The following APOBEC3C variants were observed in gnomAD, a reference collection of about 807,000 sequenced individuals.
APOBEC3C encodes apolipoprotein B mRNA editing enzyme catalytic subunit 3C.
A neutral mutation model predicts 20.6 loss-of-function variants in APOBEC3C; 14 were observed. The ratio of observed to expected loss-of-function variants is 0.68; its 90% CI spans 0.45 to 1.06. The LOEUF is 1.06. Ranked by LOEUF, APOBEC3C falls within the 50% of genes least tolerant of loss-of-function variation. APOBEC3C has a pLI of 0.00. For synonymous variants in APOBEC3C, 98 were observed against 88.8 expected (o/e 1.10, Z -0.58); for missense variants, 244 against 241.9 (o/e 1.01, Z -0.06).
At chr22:39,016,381 C>CTTTTTTTTTT (rs575173801) in intron 2 of APOBEC3C, among the ~76,000 whole-genome samples, 3 of 122,892 alleles carry the variant, frequency 2.4e-5, no homozygotes, top group African/African-American at 9.5e-5. Context: ...TTCTTTTTTT[C>CTTTTTTTTTT]TTTTTTTTTT....
At chr22:39,018,142 T>C in intron 3 of APOBEC3C, 97 bp downstream of exon 3, 2 of 1,576,372 alleles carry the variant, frequency 1.3e-6, no homozygotes, top group Admixed American at 3.5e-5. Context: ...GTCCCCTGGG[T>C]GTCTGTGGGG....
intron 1 of APOBEC3C, 113 bp downstream of exon 1, chr22:39,014,492 C>T (rs1375223082): frequency 6.9e-6 from 9 of 1,298,872 alleles, no homozygotes; most frequent in East Asian, 2.4e-5. Flanking sequence ...GGGCTCCCTC[C>T]CCCCTGGTTC....
intron 1 of APOBEC3C, 37 bp downstream of exon 1, chr22:39,014,416 C>A (rs368817718): frequency 6.2e-7 from 1 of 1,613,512 alleles, no homozygotes; most frequent in East Asian, 2.2e-5. Flanking sequence ...GCCCCTCCTG[C>A]CACTTCCTGC....
At chr22:39,018,188 T>G in intron 3 of APOBEC3C, 81 bp from the exon 4 acceptor site, 1 of 1,572,524 alleles carries the variant, frequency 6.4e-7, no homozygotes, top group South Asian at 1.2e-5. Context: ...GCAGCCTGGA[T>G]ACCTGGGCTG....
At chr22:39,015,188 A>G (rs561347513) in intron 1 of APOBEC3C, among the ~76,000 whole-genome samples, 2 of 151,804 alleles carry the variant, frequency 1.3e-5, no homozygotes, top group East Asian at 3.9e-4. Context: ...AATCCCAGCT[A>G]CTTGGGAGGC....
At position 39,019,980 on chromosome 22, in the gene APOBEC3C, G is replaced by C. The variant is rs934042849; in HGVS notation, c.*1593G>C. On this transcript the variant is annotated 3_prime_UTR_variant, in exon 4 of 4. Transcript: ENST00000361441. ...CCTGGTTAATTTTGTAGTTTTAGTA[G>C]AGATGGGGTCTCACCATGTTGGCCA... The C allele has an allele frequency of 6.6e-6, 1 of 151,902 alleles. No individual in the cohort carries two copies. Among genetic ancestry groups the C allele is most frequent in the Non-Finnish European group, 1.5e-5 (1 of 67,982 alleles). The allele number at this position is 151,902 out of a possible 1,614,324, so 9.4% of individuals were successfully genotyped here.
chr22:39,015,578 C>T lies in APOBEC3C; in HGVS notation c.18-17C>T. On this transcript the variant is annotated splice_polypyrimidine_tract_variant and intron_variant, in intron 1 of 3. Coordinates refer to ENST00000361441, the MANE Select transcript of APOBEC3C (RefSeq NM_014508.3). The stretch of plus-strand genomic sequence containing the variant: ...TGCGGGGGTCTCTGCATTGGGGTTT[C>T]TCTCTTGTGCCTTCAGAAACCCGAT... The T allele has an allele frequency of 6.2e-7, 1 of 1,612,396 alleles. No individual in the cohort carries two copies. Among genetic ancestry groups the T allele is most frequent in the East Asian group, 2.2e-5 (1 of 44,856 alleles).
In APOBEC3C at chr22:39,014,496, C is replaced by T. The variant is rs942517287; in HGVS notation, c.17+117C>T. 1.9e-4 allele frequency: 249 copies of T among 1,278,836 alleles called. 1 individual carries two copies. Among genetic ancestry groups the T allele is most frequent in the Middle Eastern group, 2.6e-4 (1 of 3,830 alleles). The allele number at this position is 1,278,836 out of a possible 1,614,324, so 79.2% of individuals were successfully genotyped here. On this transcript the variant is annotated intron_variant, in intron 1 of 3. Coordinates refer to ENST00000361441, the MANE Select transcript of APOBEC3C (RefSeq NM_014508.3). ...GCCCCACCTCTGGGCTCCCTCCCCC[C>T]TGGTTCCCCCGCTGCCCCCACTCCC...
At chr22:39,017,647 T>G in intron 2 of APOBEC3C, 119 bp from the exon 3 acceptor site, 1 of 1,306,250 alleles carries the variant, frequency 7.7e-7, no homozygotes, top group Non-Finnish European at 1.1e-6. Context: ...GTCTCAAAAA[T>G]GAGTAAATAA....
intron 1 of APOBEC3C, 92 bp downstream of exon 1, chr22:39,014,471 G>GCCCCACCTCTGGGCTCCCTC: frequency 7.1e-7 from 1 of 1,414,952 alleles, no homozygotes; most frequent in Non-Finnish European, 9.6e-7. Context: ...CCCTGCCCCA[G>GCCCCACCTCTGGGCTCCCTC]CCCCACCTCT....
At chr22:39,016,584 G>T (rs1259927966) in intron 2 of APOBEC3C, among the ~76,000 whole-genome samples, 1 of 152,018 alleles carries the variant, frequency 6.6e-6, no homozygotes, top group Admixed American at 6.6e-5. Context: ...GATCGTGGAG[G>T]GGGTTTGCTT....
At chr22:39,015,039 T>G (rs1924731460) in intron 1 of APOBEC3C, among the ~76,000 whole-genome samples, 1 of 152,132 alleles carries the variant, frequency 6.6e-6, no homozygotes, top group African/African-American at 2.4e-5. Flanking sequence ...GGCTTATGCC[T>G]GTAATCCTAG....
rs1038017430 is a variant in APOBEC3C at position 39,016,309 on chromosome 22, C to G, written c.174+558C>G. On this transcript the variant is annotated intron_variant, in intron 2 of 3. Transcript: ENST00000361441. ...CCGCCTCCCGGGTTCACGCCATTCT[C>G]CTGCCTCAGCCTCCCAAGTAGCTGG... 3.3e-5 allele frequency among the ~76,000 whole-genome samples: 5 copies of G among 151,736 alleles called. No homozygotes were observed. In the East Asian group the frequency reaches 9.7e-4, roughly 29 times the overall value.
intron 2 of APOBEC3C, among the ~76,000 whole-genome samples, chr22:39,016,878 G>A (rs184908597): frequency 6.6e-5 from 10 of 152,314 alleles, no homozygotes; most frequent in African/African-American, 2.4e-4. Flanking sequence ...ATGCCTGGGA[G>A]AAAAGATGGC....
chr22:39,014,302 GA>G lies in APOBEC3C; in HGVS notation c.-60del, dbSNP rs1415780431. 1 of 1,609,654 alleles carries G rather than the reference GA, an allele frequency of 6.2e-7. No individual in the cohort carries two copies. Among genetic ancestry groups the G allele is most frequent in the East Asian group, 2.2e-5 (1 of 44,876 alleles). On this transcript the variant is annotated 5_prime_UTR_variant, in exon 1 of 4. Transcript: ENST00000361441. Reference sequence around the variant, plus strand: ...ACTGCAAGGACGCTGTAAGCAGGAAGAGAAGCCACAGCGCTTCAGAAAAGAG... The same window carrying G: ...ACTGCAAGGACGCTGTAAGCAGGAAGGAAGCCACAGCGCTTCAGAAAAGAG...
chr22:39,015,828 G>A, intron 2 of APOBEC3C, 77 bp downstream of exon 2: 1 of 1,454,102 alleles, frequency 6.9e-7, no homozygotes, highest in Non-Finnish European at 9.4e-7. Context: ...AATAAGTGAT[G>A]TGCCCGGCGT....
chr22:39,016,820 C>T (rs866739234), intron 2 of APOBEC3C, among the ~76,000 whole-genome samples: 2 of 152,166 alleles, frequency 1.3e-5, no homozygotes, highest in African/African-American at 2.4e-5. Context: ...ACAAAGCTGA[C>T]CCCAGAGAGC....
intron 2 of APOBEC3C, among the ~76,000 whole-genome samples, chr22:39,016,383 T>TTTC (rs1924786638): frequency 7.0e-6 from 1 of 142,820 alleles, no homozygotes; most frequent in African/African-American, 2.6e-5. Flanking sequence ...CTTTTTTTCT[T>TTTC]TTTTTTTTTT....
rs1022144959 is a variant in APOBEC3C, at chr22:39,018,046, G to A, written c.454+1G>A. ...GCTGTGGAGATCATGGACTATGAAGGTGAGACGTGGGGGGCTGAGGAGAGT... is the reference window on the plus strand; with the variant it reads ...GCTGTGGAGATCATGGACTATGAAGATGAGACGTGGGGGGCTGAGGAGAGT... On this transcript the variant is annotated splice_donor_variant, in intron 3 of 3. Coordinates refer to ENST00000361441, the MANE Select transcript of APOBEC3C (RefSeq NM_014508.3). LOFTEE classifies it high-confidence loss of function. The A allele has an allele frequency of 6.2e-7, 1 of 1,613,780 alleles. No individual in the cohort carries two copies. Among genetic ancestry groups the A allele is most frequent in the Admixed American group, 1.7e-5 (1 of 60,006 alleles).
Sources: gnomAD v4.1 joint callset for allele counts (sites outside exome capture counted in the v4.1 genomes callset) on GRCh38, gnomAD v4.1.1 for gene constraint, MANE v1.5 for transcripts, NCBI Gene and HGNC (gene_info 2026-07-23, HGNC 2026-07-21) for gene names.